The following SEMA3E variants were observed in gnomAD, a reference collection of about 807,000 sequenced individuals.
The protein encoded by SEMA3E is semaphorin 3E.
SEMA3E carries 49 observed loss-of-function variants against 93.6 expected under a neutral mutation model. That is an observed-to-expected ratio of 0.52 (90% CI 0.42 to 0.66). SEMA3E has a LOEUF of 0.66. Ranked by LOEUF, SEMA3E falls within the 30% of genes least tolerant of loss-of-function variation. The pLI, the probability that SEMA3E is intolerant of heterozygous loss-of-function variation, is 0.00. For synonymous variants in SEMA3E, 363 were observed against 330.7 expected, an observed-to-expected ratio of 1.10 and a Z score of -1.06; for missense variants, 906 against 964.8, an observed-to-expected ratio of 0.94 and a Z score of 0.81.
At position 83,367,866 on chromosome 7, in the gene SEMA3E, T is replaced by C. The variant is rs144370841; in HGVS notation, c.2048A>G (p.Asn683Ser). 5.2e-5 allele frequency: 84 copies of C among 1,612,380 alleles called. No homozygotes were observed. In the African/African-American group the frequency reaches 1.0e-3, roughly 20 times the overall value. Reference sequence around the variant, plus strand: ...ATGCCTGTCCTCCTCATCGTCCTTGTTAAACATATCCTCGACTTTCTCCTC... The same window carrying C: ...ATGCCTGTCCTCCTCATCGTCCTTGCTAAACATATCCTCGACTTTCTCCTC... ...VEEEKVEDMFNKDDEEDRHHR... is the reference protein window; with the variant it reads ...VEEEKVEDMFSKDDEEDRHHR... Residue 683 changes from asparagine (N) to serine (S), a missense_variant, in exon 17 of 17, where the codon AAC becomes AGC. Transcript: ENST00000643230.
chr7:83,533,843 G>A (rs1261893802), intron 1 of SEMA3E, among the ~76,000 whole-genome samples: 2 of 152,096 alleles, frequency 1.3e-5, no homozygotes, highest in African/African-American at 4.8e-5. Context: ...AGGCACAGCT[G>A]ACTGGGAAGG....
chr7:83,409,470 T>A (rs1227199850), intron 5 of SEMA3E, among the ~76,000 whole-genome samples: 1 of 152,072 alleles, frequency 6.6e-6, no homozygotes, highest in Non-Finnish European at 1.5e-5. Flanking sequence ...CAAAGCAAAG[T>A]GGTAAAATTG....
intron 11 of SEMA3E, among the ~76,000 whole-genome samples, chr7:83,399,143 C>G (rs572364950): frequency 3.3e-5 from 5 of 152,246 alleles, no homozygotes; most frequent in African/African-American, 1.2e-4. Flanking sequence ...ATGCTCACTT[C>G]TCTAAAGATC....
At chr7:83,594,911 C>T (rs1156275893) in intron 1 of SEMA3E, among the ~76,000 whole-genome samples, 2 of 150,416 alleles carry the variant, frequency 1.3e-5, no homozygotes, top group African/African-American at 4.9e-5. Flanking sequence ...CAATTTATTC[C>T]AGTTATGTTT....
At chr7:83,500,986 GT>G (rs1400582589) in intron 1 of SEMA3E, among the ~76,000 whole-genome samples, 1 of 152,106 alleles carries the variant, frequency 6.6e-6, no homozygotes, top group Non-Finnish European at 1.5e-5. Flanking sequence ...TGTTAAGCAT[GT>G]TTAGATAGGA....
At position 83,385,354 on chromosome 7, in the gene SEMA3E, T is replaced by G. The variant is rs1787856840; in HGVS notation, c.1815A>C (p.Arg605=). The change falls in exon 16 of 17, where the codon CGA becomes CGC. Residue 605 remains arginine (R), a synonymous_variant. Coordinates refer to ENST00000643230, the MANE Select transcript of SEMA3E (RefSeq NM_012431.3). ...ACCAGATAACTTTCGCTTGTAAAGA[T>G]CGTGGGGTACATTCCAGCAAAGTAC... is the stretch of plus-strand genomic sequence containing the variant. The part of the protein sequence containing the change: ...NNSTLLECTP[R]SLQAKVIWFV... 2.5e-6 allele frequency: 4 copies of G among 1,613,578 alleles called. No individual in the cohort carries two copies. The highest frequency in any genetic ancestry group is 3.4e-6 in the Non-Finnish European group (4 of 1,179,626).
chr7:83,497,134 C>A (rs1156533046), intron 1 of SEMA3E, among the ~76,000 whole-genome samples: 1 of 152,120 alleles, frequency 6.6e-6, no homozygotes, highest in Non-Finnish European at 1.5e-5. Flanking sequence ...AGGATTTAGT[C>A]ATTTCCTCTC....
At chr7:83,375,179 A>G (rs1002529706) in intron 16 of SEMA3E, among the ~76,000 whole-genome samples, 2 of 152,154 alleles carry the variant, frequency 1.3e-5, no homozygotes, top group Non-Finnish European at 2.9e-5. Context: ...ACTGTACAAC[A>G]ACTATAATTG....
At chr7:83,619,904 C>CAGACAGACAGATAGATAGATAGAT (rs71522672) in intron 1 of SEMA3E, among the ~76,000 whole-genome samples, 9 of 148,040 alleles carry the variant, frequency 6.1e-5, no homozygotes, top group South Asian at 2.2e-4. Flanking sequence ...GATAGATAGA[C>CAGACAGACAGATAGATAGATAGAT]AGATAGATAG....
At chr7:83,585,618 T>G (rs931471626) in intron 1 of SEMA3E, among the ~76,000 whole-genome samples, 1 of 152,214 alleles carries the variant, frequency 6.6e-6, no homozygotes, top group Non-Finnish European at 1.5e-5. Flanking sequence ...TGAATTCTCT[T>G]AACAATTTAT....
intron 1 of SEMA3E, among the ~76,000 whole-genome samples, chr7:83,596,246 C>A (rs1792869742): frequency 6.6e-6 from 1 of 151,922 alleles, no homozygotes; most frequent in Admixed American, 6.6e-5. Flanking sequence ...CTTTTGACAT[C>A]CATCTTTTCT....
intron 1 of SEMA3E, among the ~76,000 whole-genome samples, chr7:83,644,456 A>G (rs1204354766): frequency 1.3e-5 from 2 of 151,944 alleles, no homozygotes; most frequent in Non-Finnish European, 2.9e-5. Context: ...GTTTCCTTCC[A>G]ATTTTCTCAC....
At chr7:83,419,864 C>T (rs1420068137) in intron 4 of SEMA3E, among the ~76,000 whole-genome samples, 1 of 152,054 alleles carries the variant, frequency 6.6e-6, no homozygotes, top group African/African-American at 2.4e-5. Flanking sequence ...AAACATCATA[C>T]TAAATGGACA....
intron 1 of SEMA3E, among the ~76,000 whole-genome samples, chr7:83,539,883 G>GTGTGTGTA (rs1791485065): frequency 6.6e-6 from 1 of 151,056 alleles, no homozygotes; most frequent in South Asian, 2.1e-4. Context: ...GTGTGTGTGT[G>GTGTGTGTA]TGTGTGTGTG....
intron 1 of SEMA3E, among the ~76,000 whole-genome samples, chr7:83,520,205 A>G (rs568483962): frequency 6.6e-6 from 1 of 152,210 alleles, no homozygotes; most frequent in South Asian, 2.1e-4. Context: ...TACTCAATGA[A>G]TTTACATCCC....
chr7:83,396,841 G>A (rs1451112156), intron 11 of SEMA3E, 112 bp from the exon 12 acceptor site: 2 of 709,980 alleles, frequency 2.8e-6, no homozygotes, highest in African/African-American at 1.8e-5. Flanking sequence ...CACTTTGGGA[G>A]GCCAAGATGG....
At chr7:83,620,030 A>G (rs561535081) in intron 1 of SEMA3E, among the ~76,000 whole-genome samples, 2 of 152,088 alleles carry the variant, frequency 1.3e-5, no homozygotes, top group Non-Finnish European at 2.9e-5. Context: ...GCTCACTGAA[A>G]GTAGTTAAAT....
intron 16 of SEMA3E, among the ~76,000 whole-genome samples, chr7:83,375,002 G>A (rs533574819): frequency 6.6e-6 from 1 of 152,230 alleles, no homozygotes; most frequent in South Asian, 2.1e-4. Context: ...TGTTTGTAAT[G>A]ATTAATGCGG....
chr7:83,460,862 A>G (rs542162567), intron 4 of SEMA3E, among the ~76,000 whole-genome samples: 19 of 146,082 alleles, frequency 1.3e-4, no homozygotes, highest in Middle Eastern at 3.5e-3. Flanking sequence ...AAGAACCCCC[A>G]AACCCATTCC....
Sources: gnomAD v4.1 joint callset for allele counts (sites outside exome capture counted in the v4.1 genomes callset) on GRCh38, gnomAD v4.1.1 for gene constraint, MANE v1.5 for transcripts, NCBI Gene and HGNC (gene_info 2026-07-23, HGNC 2026-07-21) for gene names.